LTBP1: variants seen among roughly 807,000 people sequenced by gnomAD.
LTBP1 encodes the protein latent-transforming growth factor beta-binding protein 1.
In LTBP1, 129 loss-of-function variants were observed where a neutral mutation model predicts 207.6. That is an observed-to-expected ratio of 0.62 (90% confidence interval 0.54 to 0.72). The LOEUF (loss-of-function observed/expected upper bound fraction) is 0.72. LTBP1 is among the 30% of genes least tolerant of loss of function. LTBP1 has a pLI of 0.00. For missense variants in LTBP1, 2,281 were observed against 2,217.2 expected (o/e 1.03, Z -0.58); for synonymous variants, 963 against 833.7 (o/e 1.16, Z -2.67).
intron 2 of LTBP1, among the ~76,000 whole-genome samples, chr2:32,987,884 C>G (rs1683840663): frequency 1.3e-5 from 2 of 152,162 alleles, no homozygotes; most frequent in African/African-American, 4.8e-5. Flanking sequence ...GGCACAAATA[C>G]TTTGAAGATG....
At chr2:33,335,885 G>A (rs2094548751) in intron 24 of LTBP1, among the ~76,000 whole-genome samples, 1 of 152,110 alleles carries the variant, frequency 6.6e-6, no homozygotes, top group African/African-American at 2.4e-5. Context: ...ACCAATCTCA[G>A]TTGGTTAAGA....
chr2:33,146,773 C>T (rs1195819991), intron 5 of LTBP1, among the ~76,000 whole-genome samples: 1 of 152,172 alleles, frequency 6.6e-6, no homozygotes, highest in African/African-American at 2.4e-5. Context: ...TTTAAACAAC[C>T]AGATCTTGTG....
Position 32,984,159 on chromosome 2 carries a change from G to A in LTBP1, c.565+35214G>A, listed in dbSNP as rs974755907. 1.3e-4 allele frequency among the ~76,000 whole-genome samples: 20 copies of A among 152,298 alleles called. No homozygotes were observed. The South Asian group carries it at 3.3e-3, about 25-fold the overall frequency. ...TGGAAATTACCTACCGTGTGATAAG[G>A]TGTCAGGGATAGAGTGGCTCCACAC... is the stretch of plus-strand genomic sequence containing the variant. On this transcript the variant is annotated intron_variant, in intron 2 of 33. Transcript: ENST00000404816.
chr2:33,210,295 C>T (rs538126760), intron 7 of LTBP1, among the ~76,000 whole-genome samples: 116 of 152,298 alleles, frequency 7.6e-4, no homozygotes, highest in African/African-American at 2.5e-3. Flanking sequence ...GGCCTCCAAT[C>T]ATCTAATTTC....
chr2:33,143,162 C>T (rs1260914000), intron 5 of LTBP1, among the ~76,000 whole-genome samples: 1 of 152,110 alleles, frequency 6.6e-6, no homozygotes, highest in Non-Finnish European at 1.5e-5. Flanking sequence ...GGTACATTTC[C>T]CTACCCATTC....
intron 4 of LTBP1, among the ~76,000 whole-genome samples, chr2:33,132,797 T>C (rs1159036712): frequency 3.9e-5 from 6 of 152,248 alleles, no homozygotes; most frequent in Non-Finnish European, 8.8e-5. Context: ...CTAAGTGAGA[T>C]GACCAACCCA....
intron 2 of LTBP1, among the ~76,000 whole-genome samples, chr2:32,991,265 T>C (rs903812437): frequency 5.3e-5 from 8 of 152,212 alleles, no homozygotes; most frequent in Non-Finnish European, 8.8e-5. Flanking sequence ...TAAAAATGGA[T>C]CTTAGGTGGC....
intron 3 of LTBP1, among the ~76,000 whole-genome samples, chr2:33,070,072 G>A (rs148368706): frequency 2.6e-5 from 4 of 152,270 alleles, no homozygotes; most frequent in South Asian, 2.1e-4. Flanking sequence ...TTGACTCAGC[G>A]ATGTGTCACA....
At chr2:33,115,885 C>T (rs1049443423) in intron 4 of LTBP1, among the ~76,000 whole-genome samples, 1 of 152,088 alleles carries the variant, frequency 6.6e-6, no homozygotes, top group Non-Finnish European at 1.5e-5. Context: ...TAGAAAAAGT[C>T]CTTGAGGGTA....
intron 4 of LTBP1, among the ~76,000 whole-genome samples, chr2:33,128,938 C>T (rs546980136): frequency 5.9e-5 from 9 of 152,286 alleles, no homozygotes; most frequent in Admixed American, 5.9e-4. Context: ...GTTCTCTTAA[C>T]ATTCAGAATT....
chr2:33,101,044 T>G (rs1405388853), intron 3 of LTBP1, among the ~76,000 whole-genome samples: 1 of 152,300 alleles, frequency 6.6e-6, no homozygotes, highest in East Asian at 1.9e-4. Flanking sequence ...TTTCAGTGCT[T>G]AGGAGAAGAA....
chr2:32,980,288 A>C (rs1358832187), intron 2 of LTBP1, among the ~76,000 whole-genome samples: 1 of 151,546 alleles, frequency 6.6e-6, no homozygotes, highest in East Asian at 1.9e-4. Context: ...GTATGTTGTA[A>C]TTTCTCACTT....
intron 33 of LTBP1, among the ~76,000 whole-genome samples, chr2:33,397,905 A>T (rs1170403527): frequency 6.6e-6 from 1 of 152,070 alleles, no homozygotes; most frequent in East Asian, 1.9e-4. Flanking sequence ...TAGGTAACCT[A>T]GCTTCTTAAC....
chr2:33,354,084 C>T (rs1431576009), intron 26 of LTBP1, among the ~76,000 whole-genome samples: 4 of 151,944 alleles, frequency 2.6e-5, no homozygotes, highest in Non-Finnish European at 4.4e-5. Flanking sequence ...AGGATGGTCT[C>T]GATCTCCTGA....
chr2:33,133,720 G>A (rs1212624340), intron 4 of LTBP1, among the ~76,000 whole-genome samples: 1 of 152,172 alleles, frequency 6.6e-6, no homozygotes, highest in African/African-American at 2.4e-5. Flanking sequence ...ACAAAAGCAG[G>A]CAGCAAGCTG....
chr2:33,330,307 A>G (rs1323744246), intron 24 of LTBP1, among the ~76,000 whole-genome samples: 1 of 152,046 alleles, frequency 6.6e-6, no homozygotes, highest in Non-Finnish European at 1.5e-5. Flanking sequence ...ATTATGTTGT[A>G]TAAGTAATGC....
chr2:33,167,821 T>C (rs1237095968), intron 5 of LTBP1, among the ~76,000 whole-genome samples: 2 of 152,162 alleles, frequency 1.3e-5, no homozygotes, highest in African/African-American at 4.8e-5. Flanking sequence ...ACTGGATAGG[T>C]TGCAAGAACT....
intron 22 of LTBP1, among the ~76,000 whole-genome samples, chr2:33,307,588 C>A (rs1361269916): frequency 2.6e-5 from 4 of 152,174 alleles, no homozygotes; most frequent in Non-Finnish European, 5.9e-5. Context: ...TGTTCCTTGA[C>A]TGGGATGGTG....
At chr2:33,120,421 A>G (rs1030481495) in intron 4 of LTBP1, among the ~76,000 whole-genome samples, 1 of 152,112 alleles carries the variant, frequency 6.6e-6, no homozygotes, top group Admixed American at 6.5e-5. Context: ...TCCCACTTAC[A>G]AGTGTGAGAA....
Sources: allele counts gnomAD v4.1 joint callset (sites outside exome capture counted in the v4.1 genomes callset), GRCh38; gene constraint gnomAD v4.1.1; transcripts MANE v1.5; gene names NCBI Gene and HGNC (gene_info 2026-07-23, HGNC 2026-07-21).